Variants in PDE1C observed in about 807,000 individuals in gnomAD.
PDE1C encodes the protein dual specificity calcium/calmodulin-dependent 3',5'-cyclic nucleotide phosphodiesterase 1C.
A neutral mutation model predicts 93.1 loss-of-function variants in PDE1C; 62 were observed. That is an observed-to-expected ratio of 0.67 (90% confidence interval 0.54 to 0.82). PDE1C has a LOEUF of 0.82. Among genes scored for constraint, PDE1C ranks in the 40% least tolerant of loss-of-function variants. The pLI is 0.00. For synonymous variants in PDE1C, 325 were observed against 310.1 expected, an observed-to-expected ratio of 1.05 and a Z score of -0.50; for missense variants, 742 against 884.6, an observed-to-expected ratio of 0.84 and a Z score of 2.04.
At chr7:32,086,614 G>T (rs931421005) in intron 3 of PDE1C, among the ~76,000 whole-genome samples, 2 of 151,974 alleles carry the variant, frequency 1.3e-5, no homozygotes, top group Non-Finnish European at 2.9e-5. Flanking sequence ...ATACTACAAG[G>T]CTACAGTAAC....
At chr7:31,957,389 T>C (rs549884697) in intron 2 of PDE1C, among the ~76,000 whole-genome samples, 1 of 152,086 alleles carries the variant, frequency 6.6e-6, no homozygotes, top group Admixed American at 6.5e-5. Flanking sequence ...ATGTAGTCCT[T>C]GAAAACAGCT....
At chr7:32,066,790 C>A (rs1293562433) in intron 1 of PDE1C, among the ~76,000 whole-genome samples, 1 of 152,122 alleles carries the variant, frequency 6.6e-6, no homozygotes, top group Non-Finnish European at 1.5e-5. Flanking sequence ...TCTATCCAGT[C>A]CTCCAGAGAA....
exon 1 of PDE1C, chr7:32,299,206 C>T (rs1391469628): frequency 2.0e-6 from 2 of 990,156 alleles, no homozygotes; most frequent in African/African-American, 3.5e-5. Flanking sequence ...GAATTGGCGT[C>T]GTGCGTCTTC....
chr7:31,800,829 G>A (rs574514033), intron 16 of PDE1C, among the ~76,000 whole-genome samples: 1 of 151,344 alleles, frequency 6.6e-6, no homozygotes, highest in African/African-American at 2.4e-5. Flanking sequence ...AACATGGGAA[G>A]AATTTACATG....
At chr7:31,921,655 A>C (rs1802635419) in intron 2 of PDE1C, among the ~76,000 whole-genome samples, 1 of 152,162 alleles carries the variant, frequency 6.6e-6, no homozygotes, top group South Asian at 2.1e-4. Context: ...TAATATGTGG[A>C]ATAGAGAGAG....
the PDE1C span, among the ~76,000 whole-genome samples, chr7:31,637,931 A>C: frequency 6.6e-6 from 1 of 152,256 alleles, no homozygotes; most frequent in East Asian, 1.9e-4. Flanking sequence ...TAAGGAAGGG[A>C]TCCAGTTTCA....
chr7:31,740,185 T>A, the PDE1C span, among the ~76,000 whole-genome samples: 2 of 152,222 alleles, frequency 1.3e-5, no homozygotes, highest in African/African-American at 4.8e-5. Context: ...GGGATTCCTT[T>A]GGATGGCAAT....
At chr7:32,139,633 T>C (rs546798121) in intron 3 of PDE1C, among the ~76,000 whole-genome samples, 3 of 152,264 alleles carry the variant, frequency 2.0e-5, no homozygotes, top group Non-Finnish European at 4.4e-5. Context: ...AGACTGATGC[T>C]TCCAAGCTTT....
chr7:31,938,061 G>A (rs1805326383), intron 2 of PDE1C, among the ~76,000 whole-genome samples: 1 of 152,034 alleles, frequency 6.6e-6, no homozygotes, highest in African/African-American at 2.4e-5. Flanking sequence ...GAAAGCCCTT[G>A]TCTTTAATCA....
intron 2 of PDE1C, among the ~76,000 whole-genome samples, chr7:32,050,567 T>A (rs907023394): frequency 1.9e-4 from 29 of 151,300 alleles, no homozygotes; most frequent in African/African-American, 6.6e-4. Context: ...GATTTCACTA[T>A]GTGTATGTAT....
chr7:31,968,157 G>T (rs1239528986), intron 2 of PDE1C, among the ~76,000 whole-genome samples: 1 of 152,154 alleles, frequency 6.6e-6, no homozygotes, highest in Non-Finnish European at 1.5e-5. Context: ...TAGGAAAAGA[G>T]GAAGTCAAAT....
intron 7 of PDE1C, among the ~76,000 whole-genome samples, chr7:31,862,632 C>T (rs553798485): frequency 4.7e-4 from 72 of 152,256 alleles, no homozygotes; most frequent in Middle Eastern, 6.8e-3. Context: ...AGGCACTAAT[C>T]CCATTCACGA....
the PDE1C span, among the ~76,000 whole-genome samples, chr7:31,646,217 T>G: frequency 2.0e-5 from 3 of 152,206 alleles, no homozygotes; most frequent in African/African-American, 7.2e-5. Context: ...TAGACCTGTT[T>G]AATCCATCAG....
At chr7:31,979,980 G>C (rs1262390392) in intron 2 of PDE1C, among the ~76,000 whole-genome samples, 1 of 152,172 alleles carries the variant, frequency 6.6e-6, no homozygotes, top group Non-Finnish European at 1.5e-5. Flanking sequence ...TCATCATGGG[G>C]AGATGGAGGC....
At chr7:32,283,299 G>GA (rs1391485636) in intron 1 of PDE1C, among the ~76,000 whole-genome samples, 1 of 152,092 alleles carries the variant, frequency 6.6e-6, no homozygotes, top group Non-Finnish European at 1.5e-5. Flanking sequence ...TCCCATATTT[G>GA]AAAAAATAGT....
intron 1 of PDE1C, among the ~76,000 whole-genome samples, chr7:32,277,876 C>G (rs1387764456): frequency 6.6e-6 from 1 of 152,084 alleles, no homozygotes; most frequent in African/African-American, 2.4e-5. Flanking sequence ...TCACGATGAA[C>G]CCTAATAACA....
intron 1 of PDE1C, among the ~76,000 whole-genome samples, chr7:32,337,999 C>T (rs1349441380): frequency 6.6e-6 from 1 of 152,044 alleles, no homozygotes; most frequent in African/African-American, 2.4e-5. Flanking sequence ...AACATAAGAG[C>T]TAAAACTAAA....
intron 17 of PDE1C, among the ~76,000 whole-genome samples, chr7:31,765,536 A>G (rs181223501): frequency 1.5e-3 from 221 of 152,312 alleles, no homozygotes; most frequent in Middle Eastern, 3.4e-3. Context: ...AGAAGCTCCT[A>G]TGTCCTTTGT....
the PDE1C span, among the ~76,000 whole-genome samples, chr7:31,616,981 T>A: frequency 6.6e-6 from 1 of 152,294 alleles, no homozygotes; most frequent in East Asian, 1.9e-4. Context: ...TTCTGCAAAT[T>A]GCCTGTTGCT....
Sources: gnomAD v4.1 joint callset for allele counts (sites outside exome capture counted in the v4.1 genomes callset) on GRCh38, gnomAD v4.1.1 for gene constraint, MANE v1.5 for transcripts, NCBI Gene and HGNC (gene_info 2026-07-23, HGNC 2026-07-21) for gene names.